Variants in TMEM117 observed in about 807,000 individuals in gnomAD.
TMEM117 encodes the protein transmembrane protein 117.
TMEM117 carries 27 observed loss-of-function variants against 52.4 expected under a neutral mutation model. The observed-to-expected ratio is 0.51, with a 90% CI of 0.38 to 0.71. The LOEUF (loss-of-function observed/expected upper bound fraction) is 0.71, where lower values mean the gene tolerates loss of function less well. Among genes scored for constraint, TMEM117 ranks in the 30% least tolerant of loss-of-function variants. The probability of loss-of-function intolerance (pLI) is 0.00; values close to 1 mark genes in which losing one functional copy is unlikely to be tolerated. For missense variants in TMEM117, 556 were observed against 630.5 expected (o/e 0.88, Z 1.26); for synonymous variants, 215 against 206.3 (o/e 1.04, Z -0.36).
chr12:43,824,897 G>A, the TMEM117 span, among the ~76,000 whole-genome samples: 1 of 152,230 alleles, frequency 6.6e-6, no homozygotes, highest in African/African-American at 2.4e-5. Context: ...CTACACTCCA[G>A]CACCCCAGCC....
At chr12:44,160,499 T>A (rs1271290674) in intron 4 of TMEM117, among the ~76,000 whole-genome samples, 1 of 152,186 alleles carries the variant, frequency 6.6e-6, no homozygotes, top group Non-Finnish European at 1.5e-5. Flanking sequence ...TAAGTTGGAT[T>A]TCCTTATACA....
chr12:43,820,087 A>G, the TMEM117 span, among the ~76,000 whole-genome samples: 2 of 152,044 alleles, frequency 1.3e-5, no homozygotes, highest in African/African-American at 4.8e-5. Context: ...AACAGGGTGT[A>G]ATTACAGGTG....
chr12:44,390,716 A>G (rs1388843593), downstream of TMEM117, among the ~76,000 whole-genome samples: 1 of 151,576 alleles, frequency 6.6e-6, no homozygotes, highest in East Asian at 1.9e-4. Flanking sequence ...TAATAGTCAA[A>G]CAAGACTTCA....
chr12:43,819,054 A>G, the TMEM117 span, among the ~76,000 whole-genome samples: 1 of 152,198 alleles, frequency 6.6e-6, no homozygotes, highest in East Asian at 1.9e-4. Flanking sequence ...AAAGATACAG[A>G]ATTGTACAGG....
chr12:44,350,592 C>A (rs887295159), intron 6 of TMEM117, among the ~76,000 whole-genome samples: 1 of 151,908 alleles, frequency 6.6e-6, no homozygotes, highest in African/African-American at 2.4e-5. Context: ...ATTTTTAGAT[C>A]CCACAAATAA....
intron 2 of TMEM117, among the ~76,000 whole-genome samples, chr12:43,886,465 G>T (rs912228445): frequency 6.6e-6 from 1 of 152,188 alleles, no homozygotes; most frequent in Non-Finnish European, 1.5e-5. Flanking sequence ...GGGGATAGAA[G>T]TCAGATTGCA....
chr12:43,953,444 G>T (rs1256093295), intron 3 of TMEM117, among the ~76,000 whole-genome samples: 1 of 152,064 alleles, frequency 6.6e-6, no homozygotes, highest in Non-Finnish European at 1.5e-5. Context: ...CAAAATAAGG[G>T]GATGGAGGAA....
chr12:44,205,184 G>A (rs760235470), intron 4 of TMEM117, among the ~76,000 whole-genome samples: 6 of 152,140 alleles, frequency 3.9e-5, no homozygotes, highest in Non-Finnish European at 8.8e-5. Flanking sequence ...CACATGTCAA[G>A]GGAGGTGCCA....
intron 4 of TMEM117, among the ~76,000 whole-genome samples, chr12:44,156,254 A>G (rs1355603957): frequency 6.6e-6 from 1 of 152,132 alleles, no homozygotes; most frequent in Non-Finnish European, 1.5e-5. Context: ...GTTTCTCATC[A>G]GGAAAGTGTG....
intron 6 of TMEM117, among the ~76,000 whole-genome samples, chr12:44,357,544 AGTGTCAG>A (rs1951667116): frequency 1.3e-5 from 2 of 152,086 alleles, no homozygotes; most frequent in African/African-American, 4.8e-5. Context: ...GAACATTCTA[AGTGTCAG>A]AACTTTTAAA....
In TMEM117 at chr12:44,077,404, C is replaced by CT. The variant is rs202194712; in HGVS notation, c.411-66113dup. On this transcript the variant is annotated intron_variant, in intron 3 of 7. Coordinates refer to ENST00000266534, the MANE Select transcript of TMEM117 (RefSeq NM_032256.3). ...GTGAGAATATTTGCCAGAAGGAACT[C>CT]TTTTTTTTGTTACTTTGGTCTGATC... 2.0e-4 allele frequency among the ~76,000 whole-genome samples: 30 copies of CT among 152,000 alleles called. No individual in the cohort carries two copies. The East Asian group carries it at 2.7e-3, about 14-fold the overall frequency.
chr12:44,068,391 T>G (rs1221750998), intron 3 of TMEM117, among the ~76,000 whole-genome samples: 1 of 152,214 alleles, frequency 6.6e-6, no homozygotes, highest in African/African-American at 2.4e-5. Flanking sequence ...TCACTAAGCT[T>G]AATCATTTCT....
At chr12:43,916,023 T>C (rs1592360471) in intron 2 of TMEM117, among the ~76,000 whole-genome samples, 2 of 151,922 alleles carry the variant, frequency 1.3e-5, no homozygotes, top group African/African-American at 4.8e-5. Context: ...GAGAGGGTGA[T>C]GGTTGGGCAA....
At chr12:44,011,915 G>A (rs1450144383) in intron 3 of TMEM117, among the ~76,000 whole-genome samples, 1 of 152,172 alleles carries the variant, frequency 6.6e-6, no homozygotes, top group Non-Finnish European at 1.5e-5. Flanking sequence ...TGGACAAAGA[G>A]ATGATTCACT....
the TMEM117 span, among the ~76,000 whole-genome samples, chr12:43,799,783 G>GT: frequency 2.0e-5 from 3 of 152,038 alleles, no homozygotes; most frequent in Non-Finnish European, 4.4e-5. Context: ...TGGTCATCCT[G>GT]TAAGTCTATA....
In TMEM117 at chr12:44,326,181, GTTTTTGT is replaced by G. The variant is rs934802795; in HGVS notation, c.768+26462_768+26468del. On this transcript the variant is annotated intron_variant, in intron 6 of 7. Coordinates refer to ENST00000266534, the MANE Select transcript of TMEM117 (RefSeq NM_032256.3). The stretch of plus-strand genomic sequence containing the variant: ...AGACCCTGGTTTTGTTTTTGTTTTT[GTTTTTGT>G]TTTTTGTTTTTTGTTTTTTATTTAA... Among the ~76,000 whole-genome samples the G allele has an allele frequency of 4.6e-5, 7 of 151,090 alleles. No homozygotes were observed. The East Asian group carries it at 5.8e-4, about 13-fold the overall frequency.
chr12:44,292,953 T>A (rs1950722590), intron 5 of TMEM117, among the ~76,000 whole-genome samples: 1 of 152,028 alleles, frequency 6.6e-6, no homozygotes. Context: ...TGGTGTATGG[T>A]GTTATTCAAG....
chr12:44,249,895 G>A (rs1950176548), intron 5 of TMEM117, among the ~76,000 whole-genome samples: 1 of 152,152 alleles, frequency 6.6e-6, no homozygotes, highest in African/African-American at 2.4e-5. Context: ...AACCCTAGAA[G>A]AAAACCTAGG....
intron 6 of TMEM117, among the ~76,000 whole-genome samples, chr12:44,359,044 G>A (rs1277443740): frequency 6.6e-6 from 1 of 152,096 alleles, no homozygotes; most frequent in Non-Finnish European, 1.5e-5. Context: ...ATTGAAAGAA[G>A]GCAGGTGATA....
Sources: allele counts gnomAD v4.1 joint callset (sites outside exome capture counted in the v4.1 genomes callset), GRCh38; gene constraint gnomAD v4.1.1; transcripts MANE v1.5; gene names NCBI Gene and HGNC (gene_info 2026-07-23, HGNC 2026-07-21).